Variants in NEDD4L observed in about 807,000 individuals in gnomAD.
The protein encoded by NEDD4L is E3 ubiquitin-protein ligase NEDD4-like.
NEDD4L carries 54 observed loss-of-function variants against 148.9 expected under a neutral mutation model. The ratio of observed to expected loss-of-function variants is 0.36; its 90% CI spans 0.29 to 0.45. The LOEUF (loss-of-function observed/expected upper bound fraction) is 0.45. Ranked by LOEUF, NEDD4L falls within the 20% of genes least tolerant of loss-of-function variation. NEDD4L has a pLI of 1.00. For synonymous variants in NEDD4L, 433 were observed against 440.7 expected, an observed-to-expected ratio of 0.98 and a Z score of 0.22; for missense variants, 856 against 1,233.8, an observed-to-expected ratio of 0.69 and a Z score of 4.59.
chr18:58,252,420 A>C (rs1158978533), intron 5 of NEDD4L, among the ~76,000 whole-genome samples: 2 of 152,260 alleles, frequency 1.3e-5, no homozygotes, highest in Non-Finnish European at 2.9e-5. Flanking sequence ...AATGAAAGCC[A>C]GACCATAGTA....
intron 5 of NEDD4L, among the ~76,000 whole-genome samples, chr18:58,312,815 G>A (rs2057854067): frequency 6.6e-6 from 1 of 152,168 alleles, no homozygotes; most frequent in South Asian, 2.1e-4. Flanking sequence ...CAAGTAGCTG[G>A]GACTACAGGC....
Position 58,220,310 on chromosome 18 carries a change from G to A in NEDD4L, c.123-25117G>A, listed in dbSNP as rs115560445. Among the ~76,000 whole-genome samples, 529 of 152,164 alleles carry A rather than the reference G, an allele frequency of 3.5e-3. 4 individuals carry two copies. Among genetic ancestry groups the A allele is most frequent in the African/African-American group, 0.012 (514 of 41,500 alleles). On this transcript the variant is annotated intron_variant, in intron 2 of 30. Transcript: ENST00000400345. ...GGTCCCAGCTATTCAGGAGGCTGAG[G>A]CACAAGAATTGCTTAAACCCCAGAG... is the stretch of plus-strand genomic sequence containing the variant.
chr18:58,387,355 T>C (rs1276302716), intron 26 of NEDD4L, 84 bp from the exon 27 acceptor site: 2 of 1,430,752 alleles, frequency 1.4e-6, no homozygotes, highest in Non-Finnish European at 1.8e-6. Context: ...TTTTTCTGGC[T>C]AACCAGAAAA....
chr18:58,180,214 G>A (rs924033326), intron 2 of NEDD4L, among the ~76,000 whole-genome samples: 2 of 152,218 alleles, frequency 1.3e-5, no homozygotes, highest in African/African-American at 4.8e-5. Context: ...TTCCTCCTCT[G>A]TGCCTTGCCG....
intron 2 of NEDD4L, among the ~76,000 whole-genome samples, chr18:58,225,086 C>T (rs2044206515): frequency 6.6e-6 from 1 of 151,826 alleles, no homozygotes; most frequent in Non-Finnish European, 1.5e-5. Context: ...AGTCACTTAG[C>T]TTGAAATATT....
chr18:58,057,664 A>G (rs753198675), intron 1 of NEDD4L, among the ~76,000 whole-genome samples: 8 of 152,160 alleles, frequency 5.3e-5, no homozygotes, highest in Non-Finnish European at 1.0e-4. Flanking sequence ...AACTGCTCCC[A>G]GGAAAACTCA....
intron 2 of NEDD4L, among the ~76,000 whole-genome samples, chr18:58,178,632 T>G (rs1213615673): frequency 2.0e-5 from 3 of 152,232 alleles, no homozygotes; most frequent in Non-Finnish European, 2.9e-5. Flanking sequence ...CCTCCGTAAA[T>G]TATTAAAAGG....
intron 5 of NEDD4L, among the ~76,000 whole-genome samples, chr18:58,290,485 C>T (rs928899082): frequency 6.6e-6 from 1 of 151,544 alleles, no homozygotes; most frequent in Non-Finnish European, 1.5e-5. Flanking sequence ...GAGGTTACTC[C>T]GAATGTATAT....
chr18:58,321,964 G>A lies in NEDD4L; in HGVS notation c.349-461G>A, dbSNP rs535826120. Among the ~76,000 whole-genome samples, 4 of 152,312 alleles carry A rather than the reference G, an allele frequency of 2.6e-5. No individual in the cohort carries two copies. The East Asian group carries it at 7.7e-4, about 29-fold the overall frequency. On this transcript the variant is annotated intron_variant, in intron 6 of 30. Transcript: ENST00000400345. ...TGGGGTGATCTCTGTGCAGGAGATA[G>A]TCTTTCAATTCTCTTAGGCTGATGT...
At chr18:58,370,349 A>G in intron 22 of NEDD4L, 48 bp from the exon 23 acceptor site, 1 of 1,073,408 alleles carries the variant, frequency 9.3e-7, no homozygotes, top group Non-Finnish European at 1.5e-6. Context: ...TCTGATACAT[A>G]GCAGTGTCAA....
At chr18:58,248,515 G>A (rs1028719226) in intron 3 of NEDD4L, among the ~76,000 whole-genome samples, 1 of 152,046 alleles carries the variant, frequency 6.6e-6, no homozygotes, top group African/African-American at 2.4e-5. Context: ...TCCCCCACCT[G>A]CTTCGTTACT....
rs929138988 is a variant in NEDD4L at position 58,265,962 on chromosome 18, G to A, written c.297+13908G>A. Among the ~76,000 whole-genome samples, 8 of 152,078 alleles carry A rather than the reference G, an allele frequency of 5.3e-5. No homozygotes were observed. The East Asian group carries it at 5.8e-4, about 11-fold the overall frequency. On this transcript the variant is annotated intron_variant, in intron 5 of 30. Coordinates refer to ENST00000400345, the MANE Select transcript of NEDD4L (RefSeq NM_001144967.3). ...CTAAAGAAATGAATATTTTAAATAC[G>A]TCTCTGCATTTCTTTTTGTTGGATA...
chr18:58,301,186 G>A (rs1249831583), intron 5 of NEDD4L, among the ~76,000 whole-genome samples: 1 of 152,100 alleles, frequency 6.6e-6, no homozygotes, highest in African/African-American at 2.4e-5. Context: ...ACAACTTATA[G>A]AGCTCATTTA....
At chr18:58,388,723 AC>A (rs2049379269) in intron 27 of NEDD4L, 1 of 208,936 alleles carries the variant, frequency 4.8e-6, no homozygotes, top group African/African-American at 2.3e-5. Context: ...CAGAGGAATA[AC>A]CTCTCAGGAG....
At chr18:58,270,363 T>C (rs1372449807) in intron 5 of NEDD4L, among the ~76,000 whole-genome samples, 2 of 152,218 alleles carry the variant, frequency 1.3e-5, no homozygotes, top group East Asian at 1.9e-4. Context: ...TCAGGTGGCC[T>C]GAAGCCCAAA....
intron 28 of NEDD4L, chr18:58,389,591 T>G (rs1474882113): frequency 1.2e-5 from 2 of 162,904 alleles, no homozygotes; most frequent in East Asian, 3.4e-4. Flanking sequence ...TTAAAATATA[T>G]TCCAACAAAT....
At chr18:58,076,745 G>A (rs1183961615) in intron 1 of NEDD4L, among the ~76,000 whole-genome samples, 1 of 151,772 alleles carries the variant, frequency 6.6e-6, no homozygotes, top group Admixed American at 6.6e-5. Flanking sequence ...CACCCCTAAT[G>A]CTTTATTATG....
At chr18:58,127,363 C>A (rs752303993) in intron 1 of NEDD4L, among the ~76,000 whole-genome samples, 2 of 152,214 alleles carry the variant, frequency 1.3e-5, no homozygotes, top group African/African-American at 2.4e-5. Context: ...AAACACAATT[C>A]TTTGGCTGTG....
At chr18:58,206,424 A>T (rs562707217) in intron 2 of NEDD4L, among the ~76,000 whole-genome samples, 2 of 152,078 alleles carry the variant, frequency 1.3e-5, no homozygotes, top group Admixed American at 1.3e-4. Context: ...CAAAAACCCA[A>T]ACTTTCAGCA....
Sources: gnomAD v4.1 joint callset for allele counts (sites outside exome capture counted in the v4.1 genomes callset) on GRCh38, gnomAD v4.1.1 for gene constraint, MANE v1.5 for transcripts, NCBI Gene and HGNC (gene_info 2026-07-23, HGNC 2026-07-21) for gene names.